Variants in HS6ST1 observed in about 807,000 individuals in gnomAD.
The protein encoded by HS6ST1 is heparan sulfate 6-O-sulfotransferase 1, also known as heparan-sulfate 6-O-sulfotransferase 1.
In HS6ST1, 3 loss-of-function variants were observed where a neutral mutation model predicts 25.2. That is an observed-to-expected ratio of 0.12 (90% confidence interval 0.05 to 0.31). The LOEUF (loss-of-function observed/expected upper bound fraction) is 0.31, where lower values mean the gene tolerates loss of function less well. Ranked by LOEUF, HS6ST1 falls within the 10% of genes least tolerant of loss-of-function variation. The probability of loss-of-function intolerance (pLI) is 1.00; values close to 1 mark genes in which losing one functional copy is unlikely to be tolerated. For missense variants in HS6ST1, 310 were observed against 609.6 expected (o/e 0.51, Z 5.18); for synonymous variants, 204 against 275.1 (o/e 0.74, Z 2.56).
chr2:128,304,356 G>A (rs1489713004), intron 1 of HS6ST1, among the ~76,000 whole-genome samples: 1 of 152,212 alleles, frequency 6.6e-6, no homozygotes, highest in Non-Finnish European at 1.5e-5. Context: ...CTCCCTGTGT[G>A]GGTGCTCCCC....
At chr2:128,301,391 T>C (rs1379395685) in intron 1 of HS6ST1, among the ~76,000 whole-genome samples, 1 of 152,266 alleles carries the variant, frequency 6.6e-6, no homozygotes, top group East Asian at 1.9e-4. Flanking sequence ...GTGTCTGCAA[T>C]GACAGCAGAT....
intron 1 of HS6ST1, among the ~76,000 whole-genome samples, chr2:128,310,233 GCA>G (rs1694268791): frequency 6.6e-6 from 1 of 152,206 alleles, no homozygotes; most frequent in Non-Finnish European, 1.5e-5. Context: ...CGCCTGGTCT[GCA>G]CAGAGAGGAC....
chr2:128,301,730 CCT>C (rs1352398122), intron 1 of HS6ST1, among the ~76,000 whole-genome samples: 1 of 152,132 alleles, frequency 6.6e-6, no homozygotes, highest in Non-Finnish European at 1.5e-5. Context: ...AGTTCTCCAG[CCT>C]CTCACCCTCA....
chr2:128,317,760 A>T (rs1694395638), intron 1 of HS6ST1, among the ~76,000 whole-genome samples: 1 of 152,212 alleles, frequency 6.6e-6, no homozygotes, highest in Non-Finnish European at 1.5e-5. Context: ...GGGACCCTGG[A>T]GAAAACCCGG....
intron 1 of HS6ST1, among the ~76,000 whole-genome samples, chr2:128,279,095 A>G (rs10183821): frequency 0.18 from 27,922 of 152,022 alleles, 2,750 homozygotes; most frequent in Non-Finnish European, 0.2. Context: ...GGCCGGCCGC[A>G]CCAGTCCTGC....
At position 128,305,614 on chromosome 2, in the gene HS6ST1, C is replaced by T. The variant is rs140513978; in HGVS notation, c.527+12423G>A. On this transcript the variant is annotated intron_variant, in intron 1 of 1. Coordinates refer to ENST00000259241, the MANE Select transcript of HS6ST1 (RefSeq NM_004807.3). ...TCCAGGCAGAGCTGGAACCCACTCT[C>T]ACTCTGGGGCCTACCTTCTCCCCGG... Among the ~76,000 whole-genome samples, 690 of 152,360 alleles carry T rather than the reference C, an allele frequency of 4.5e-3. 4 individuals are homozygous for T. Among genetic ancestry groups the T allele is most frequent in the Admixed American group, 6.8e-3 (104 of 15,306 alleles).
intron 1 of HS6ST1, among the ~76,000 whole-genome samples, chr2:128,306,046 C>G (rs1236396512): frequency 6.6e-6 from 1 of 152,188 alleles, no homozygotes; most frequent in Non-Finnish European, 1.5e-5. Flanking sequence ...AGCTCTGCCA[C>G]CGGTGACCTT....
At chr2:128,314,583 G>A (rs1326080257) in intron 1 of HS6ST1, among the ~76,000 whole-genome samples, 1 of 152,206 alleles carries the variant, frequency 6.6e-6, no homozygotes, top group Non-Finnish European at 1.5e-5. Flanking sequence ...CGGCACACAG[G>A]TCCAGCACCA....
chr2:128,286,893 G>C (rs927689634), intron 1 of HS6ST1, among the ~76,000 whole-genome samples: 2 of 152,162 alleles, frequency 1.3e-5, no homozygotes, highest in African/African-American at 4.8e-5. Context: ...CCACCTGGTT[G>C]CCTGGGGAAC....
chr2:128,306,040 C>T (rs925914634), intron 1 of HS6ST1, among the ~76,000 whole-genome samples: 2 of 152,214 alleles, frequency 1.3e-5, no homozygotes, highest in African/African-American at 4.8e-5. Flanking sequence ...AATCCCAGCT[C>T]TGCCACCGGT....
chr2:128,285,291 G>A (rs1006285148), intron 1 of HS6ST1, among the ~76,000 whole-genome samples: 6 of 152,190 alleles, frequency 3.9e-5, no homozygotes, highest in African/African-American at 1.4e-4. Flanking sequence ...GTATGGAGGA[G>A]GGGAGAATAA....
Position 128,311,639 on chromosome 2 carries a change from G to T in HS6ST1, c.527+6398C>A, listed in dbSNP as rs553068251. The stretch of plus-strand genomic sequence containing the variant: ...TATGCAGCCCCACAAAATGCCACAT[G>T]GGATGGTGATGGCACCCAGAGAGGG... On this transcript the variant is annotated intron_variant, in intron 1 of 1. Coordinates refer to ENST00000259241, the MANE Select transcript of HS6ST1 (RefSeq NM_004807.3). Among the ~76,000 whole-genome samples the T allele has an allele frequency of 1.6e-4, 24 of 152,348 alleles. 3 individuals are homozygous for T. Among genetic ancestry groups the T allele is most frequent in the African/African-American group, 5.1e-4 (21 of 41,580 alleles).
chr2:128,309,910 TGG>T (rs1694262883), intron 1 of HS6ST1, among the ~76,000 whole-genome samples: 2 of 152,210 alleles, frequency 1.3e-5, no homozygotes, highest in African/African-American at 4.8e-5. Flanking sequence ...CCATAAGACA[TGG>T]ACACAGTCCG....
chr2:128,284,900 G>A (rs1422505597), intron 1 of HS6ST1, among the ~76,000 whole-genome samples: 1 of 152,174 alleles, frequency 6.6e-6, no homozygotes, highest in Admixed American at 6.5e-5. Context: ...CCCCCCACCT[G>A]GTGGTTTGGG....
intron 1 of HS6ST1, among the ~76,000 whole-genome samples, chr2:128,293,694 GA>G (rs1693993901): frequency 6.6e-6 from 1 of 152,240 alleles, no homozygotes; most frequent in Non-Finnish European, 1.5e-5. Flanking sequence ...AGGGCAAAGA[GA>G]GACCATCAGG....
intron 1 of HS6ST1, among the ~76,000 whole-genome samples, chr2:128,278,579 C>A (rs1693731476): frequency 6.6e-6 from 1 of 152,172 alleles, no homozygotes; most frequent in African/African-American, 2.4e-5. Flanking sequence ...AGGCCGACGG[C>A]AGGCACACAG....
intron 1 of HS6ST1, among the ~76,000 whole-genome samples, chr2:128,279,465 C>A (rs1183289624): frequency 2.0e-5 from 3 of 151,726 alleles, no homozygotes; most frequent in Non-Finnish European, 4.4e-5. Flanking sequence ...AACAAGCATG[C>A]CTGTCACATT....
chr2:128,310,244 ACCCAAGACCTCCCGAGGTGGC>A (rs1558881425), intron 1 of HS6ST1, among the ~76,000 whole-genome samples: 1 of 152,046 alleles, frequency 6.6e-6, no homozygotes, highest in Non-Finnish European at 1.5e-5. Flanking sequence ...CACAGAGAGG[ACCCAAGACCTCCCGAGGTGGC>A]CCCGTGGAAC....
chr2:128,300,626 G>C (rs1694110440), intron 1 of HS6ST1, among the ~76,000 whole-genome samples: 1 of 152,160 alleles, frequency 6.6e-6, no homozygotes, highest in Non-Finnish European at 1.5e-5. Context: ...AATCTCTTCG[G>C]GGGAGGCTGT....
Sources: allele counts gnomAD v4.1 joint callset (sites outside exome capture counted in the v4.1 genomes callset), GRCh38; gene constraint gnomAD v4.1.1; transcripts MANE v1.5; gene names NCBI Gene and HGNC (gene_info 2026-07-23, HGNC 2026-07-21).